CFAP99: variants seen among roughly 807,000 people sequenced by gnomAD.
The protein encoded by CFAP99 is cilia- and flagella-associated protein 99.
In CFAP99, 84 loss-of-function variants were observed where a neutral mutation model predicts 82.7. The observed-to-expected ratio is 1.02, with a 90% CI of 0.85 to 1.22. The LOEUF is 1.22. Among genes scored for constraint, CFAP99 ranks in the 50% most tolerant of loss-of-function variants. The probability of loss-of-function intolerance (pLI) is 0.00; values close to 1 mark genes in which losing one functional copy is unlikely to be tolerated. For synonymous variants in CFAP99, 456 were observed against 429.5 expected (o/e 1.06, Z -0.76); for missense variants, 1,059 against 983.5 (o/e 1.08, Z -1.03).
chr4:2,435,165 G>C (rs186611244), intron 2 of CFAP99, among the ~76,000 whole-genome samples: 103 of 152,138 alleles, frequency 6.8e-4, no homozygotes, highest in African/African-American at 1.6e-3. Context: ...GGCGTGGGTG[G>C]CTGGAGCCTG....
chr4:2,433,757 C>T (rs1733849262), intron 2 of CFAP99, among the ~76,000 whole-genome samples: 1 of 152,228 alleles, frequency 6.6e-6, no homozygotes, highest in South Asian at 2.1e-4. Flanking sequence ...AAGGGCTGGT[C>T]AGAAGCACAG....
chr4:2,460,260 G>A lies in CFAP99; in HGVS notation c.1661+18G>A, dbSNP rs1298350164. 6.5e-7 allele frequency: 1 copy of A among 1,534,854 alleles called. No homozygotes were observed. On this transcript the variant is annotated intron_variant, in intron 14 of 14. Transcript: ENST00000635017. The stretch of plus-strand genomic sequence containing the variant: ...GCCTTGAGGTTGGTACTGGGCTCGG[G>A]GAGGGTGCCTCTGGGTGGACAGGGA...
At chr4:2,449,911 G>C (rs562568607) in intron 7 of CFAP99, 23 bp from the exon 8 acceptor site, 3 of 1,535,928 alleles carry the variant, frequency 2.0e-6, no homozygotes, top group Non-Finnish European at 2.6e-6. Context: ...GGTGGGACTG[G>C]AGCCGCTGTG....
intron 10 of CFAP99, among the ~76,000 whole-genome samples, chr4:2,451,789 T>C (rs1028542246): frequency 3.9e-5 from 6 of 151,954 alleles, no homozygotes; most frequent in Non-Finnish European, 5.9e-5. Context: ...GCACAGATGG[T>C]GCACAGGGGC....
At chr4:2,436,760 C>A in intron 2 of CFAP99, 114 bp from the exon 3 acceptor site, 1 of 820,962 alleles carries the variant, frequency 1.2e-6, no homozygotes, top group South Asian at 1.7e-5. Context: ...CACTAACAGG[C>A]CCTTTGCAGC....
intron 11 of CFAP99, among the ~76,000 whole-genome samples, chr4:2,456,817 C>A (rs1456079848): frequency 6.6e-6 from 1 of 152,126 alleles, no homozygotes; most frequent in Non-Finnish European, 1.5e-5. Flanking sequence ...CCGCGCCCGG[C>A]CAATAACTTG....
chr4:2,434,222 T>G (rs1218118153), intron 2 of CFAP99, among the ~76,000 whole-genome samples: 1 of 152,046 alleles, frequency 6.6e-6, no homozygotes, highest in Non-Finnish European at 1.5e-5. Context: ...AGGATCGAGG[T>G]TTCTGAGTTC....
chr4:2,460,301 G>C, intron 14 of CFAP99, 59 bp downstream of exon 14: 1 of 1,465,816 alleles, frequency 6.8e-7, no homozygotes, highest in Non-Finnish European at 9.2e-7. Context: ...CTGTAAGCCT[G>C]CCTTGCACCC....
chr4:2,450,919 G>A, intron 8 of CFAP99, 28 bp from the exon 9 acceptor site: 2 of 1,534,110 alleles, frequency 1.3e-6, no homozygotes, highest in Non-Finnish European at 1.7e-6. Flanking sequence ...CAGGTGCCAG[G>A]CGGCCAGCTC....
intron 10 of CFAP99, among the ~76,000 whole-genome samples, chr4:2,451,845 G>C (rs1279744082): frequency 7.2e-5 from 11 of 152,058 alleles, no homozygotes; most frequent in Admixed American, 5.9e-4. Context: ...TGGATGGACA[G>C]ATGATGGACA....
At chr4:2,436,264 C>T (rs1446675821) in intron 2 of CFAP99, among the ~76,000 whole-genome samples, 4 of 152,140 alleles carry the variant, frequency 2.6e-5, no homozygotes, top group Admixed American at 2.0e-4. Flanking sequence ...TAAGTTTACA[C>T]TTGACACGCC....
chr4:2,440,450 T>G (rs928028118), intron 4 of CFAP99, among the ~76,000 whole-genome samples: 1 of 150,092 alleles, frequency 6.7e-6, no homozygotes. Context: ...CCGGCCGACA[T>G]TCTTAATAAT....
exon 11 of CFAP99, chr4:2,452,334 G>C (rs1317288893): frequency 1.3e-6 from 2 of 1,534,470 alleles, no homozygotes; most frequent in Non-Finnish European, 1.7e-6. Context: ...GGGTGGAGCA[G>C]CAGAAGGAGC....
exon 10 of CFAP99, chr4:2,451,273 A>T: frequency 1.3e-6 from 2 of 1,536,038 alleles, no homozygotes; most frequent in Non-Finnish European, 1.7e-6. Flanking sequence ...GCCTGACAAC[A>T]TCCTGGTCAA....
intron 5 of CFAP99, among the ~76,000 whole-genome samples, chr4:2,443,559 C>A (rs1734099467): frequency 6.6e-6 from 1 of 152,216 alleles, no homozygotes; most frequent in South Asian, 2.1e-4. Flanking sequence ...AGAGCCGGCC[C>A]TTCTGTGCTG....
downstream of CFAP99, chr4:2,462,949 C>T: frequency 8.1e-7 from 1 of 1,233,364 alleles, no homozygotes; most frequent in East Asian, 3.3e-5. The surrounding 1 kb of genome is among the most constrained non-coding windows in gnomAD (Gnocchi z 4.1). Context: ...GCGCCCCACC[C>T]GCTTGCGGGC....
intron 2 of CFAP99, among the ~76,000 whole-genome samples, chr4:2,429,521 A>C (rs2108712429): frequency 6.6e-6 from 1 of 152,182 alleles, no homozygotes; most frequent in Admixed American, 6.5e-5. Context: ...ATGGATCTGC[A>C]CAGATGCCCC....
chr4:2,420,585 AG>A (rs1733562266), intron 1 of CFAP99, among the ~76,000 whole-genome samples: 1 of 152,150 alleles, frequency 6.6e-6, no homozygotes, highest in African/African-American at 2.4e-5. Context: ...TGTGTTTTAT[AG>A]TTTGAAATTG....
At chr4:2,449,132 G>A (rs1490577316) in intron 6 of CFAP99, among the ~76,000 whole-genome samples, 2 of 152,044 alleles carry the variant, frequency 1.3e-5, no homozygotes, top group Admixed American at 6.5e-5. Context: ...TATCTAGGCC[G>A]GCCCCCTCCT....
Sources: gnomAD v4.1 joint callset for allele counts (sites outside exome capture counted in the v4.1 genomes callset) on GRCh38, gnomAD v4.1.1 for gene constraint, Gnocchi (gnomAD v3.1) non-coding constraint, MANE v1.5 for transcripts, NCBI Gene and HGNC (gene_info 2026-07-23, HGNC 2026-07-21) for gene names.